The following PID1 variants were observed in gnomAD, a reference collection of about 807,000 sequenced individuals.
The protein encoded by PID1 is phosphotyrosine interaction domain containing 1, also known as PTB-containing, cubilin and LRP1-interacting protein.
Under a neutral mutation model 19.1 loss-of-function variants are expected in PID1, and 10 were observed. The observed-to-expected ratio is 0.52, with a 90% CI of 0.32 to 0.89. The LOEUF (loss-of-function observed/expected upper bound fraction) is 0.89, where lower values mean the gene tolerates loss of function less well. Ranked by LOEUF, PID1 falls within the 40% of genes least tolerant of loss-of-function variation. The probability of loss-of-function intolerance (pLI) is 0.03; values close to 1 mark genes in which losing one functional copy is unlikely to be tolerated. For missense variants in PID1, 248 were observed against 285.3 expected, an observed-to-expected ratio of 0.87 and a Z score of 0.94; for synonymous variants, 130 against 116.0, an observed-to-expected ratio of 1.12 and a Z score of -0.78.
intron 2 of PID1, among the ~76,000 whole-genome samples, chr2:229,067,884 T>C (rs1032430354): frequency 7.9e-5 from 12 of 152,326 alleles, no homozygotes; most frequent in Admixed American, 6.5e-4. Flanking sequence ...AGCAGCCTGG[T>C]GCATTCTGTG....
chr2:229,112,778 C>A (rs1695324229), intron 2 of PID1, among the ~76,000 whole-genome samples: 1 of 152,178 alleles, frequency 6.6e-6, no homozygotes, highest in Admixed American at 6.5e-5. Context: ...AGACACCATG[C>A]CTGGCCTCTA....
intron 2 of PID1, among the ~76,000 whole-genome samples, chr2:229,134,464 G>A (rs62193235): frequency 3.3e-5 from 5 of 150,734 alleles, no homozygotes; most frequent in African/African-American, 7.3e-5. Context: ...GGCTGGTCTC[G>A]AACTCCTGAC....
intron 1 of PID1, among the ~76,000 whole-genome samples, chr2:229,190,574 C>A (rs752364878): frequency 1.3e-5 from 2 of 152,154 alleles, no homozygotes; most frequent in Non-Finnish European, 2.9e-5. Context: ...AAGAAGAGTC[C>A]AGGGCAGGGG....
chr2:229,262,074 T>C (rs1690474659), intron 1 of PID1, among the ~76,000 whole-genome samples: 1 of 152,164 alleles, frequency 6.6e-6, no homozygotes, highest in Admixed American at 6.5e-5. Context: ...TTTGTCAGCT[T>C]ACAGGTTTTC....
chr2:229,024,255 T>G lies in PID1; in HGVS notation c.*1377A>C, dbSNP rs1693362160. 6.6e-6 allele frequency: 1 copy of G among 152,602 alleles called. No homozygotes were observed. The highest frequency in any genetic ancestry group is 1.5e-5 in the Non-Finnish European group (1 of 68,050). 9.5% of individuals were successfully genotyped at this position (152,602 alleles called of 1,614,324 possible). On this transcript the variant is annotated 3_prime_UTR_variant, in exon 3 of 3. Coordinates refer to ENST00000392055, the MANE Select transcript of PID1 (RefSeq NM_001100818.2). ...TGGATTAGCTCTCATTTAAGGCTTCTTAGGTGCCGCAGTGCCCCTAATATT... is the reference window on the plus strand; with the variant it reads ...TGGATTAGCTCTCATTTAAGGCTTCGTAGGTGCCGCAGTGCCCCTAATATT...
intron 1 of PID1, among the ~76,000 whole-genome samples, chr2:229,202,370 C>G (rs1691516567): frequency 2.6e-5 from 4 of 151,994 alleles, no homozygotes. Context: ...TCTTGGAATT[C>G]AAGTCAATTA....
At chr2:229,211,631 C>T (rs1362240) in intron 1 of PID1, among the ~76,000 whole-genome samples, 4 of 152,072 alleles carry the variant, frequency 2.6e-5, no homozygotes, top group African/African-American at 9.7e-5. Context: ...TTTTAATGTA[C>T]ATGTGTGAGC....
chr2:229,050,971 A>G (rs1203007982), intron 2 of PID1, among the ~76,000 whole-genome samples: 1 of 152,226 alleles, frequency 6.6e-6, no homozygotes, highest in Non-Finnish European at 1.5e-5. Context: ...CAATGCATAC[A>G]ATGAAAGAGA....
intron 2 of PID1, among the ~76,000 whole-genome samples, chr2:229,056,444 A>T (rs6750672): frequency 0.12 from 17,560 of 152,044 alleles, 1,492 homozygotes; most frequent in African/African-American, 0.24. Context: ...TGCAAGGAGG[A>T]GTAATTTGTA....
intron 1 of PID1, among the ~76,000 whole-genome samples, chr2:229,161,669 C>T (rs1032555425): frequency 6.6e-6 from 1 of 152,140 alleles, no homozygotes; most frequent in Admixed American, 6.5e-5. Context: ...GTAGGTATTA[C>T]GGTCCCCAGG....
At chr2:229,176,952 G>C (rs1690836198) in intron 1 of PID1, among the ~76,000 whole-genome samples, 1 of 152,126 alleles carries the variant, frequency 6.6e-6, no homozygotes, top group East Asian at 1.9e-4. Flanking sequence ...CCCAAGACTG[G>C]GCAATTTACA....
intron 2 of PID1, among the ~76,000 whole-genome samples, chr2:229,114,067 G>T (rs1477013338): frequency 5.9e-5 from 9 of 151,704 alleles, no homozygotes; most frequent in African/African-American, 1.9e-4. Flanking sequence ...TCTCCAGCCT[G>T]CTGGCCTACC....
intron 1 of PID1, among the ~76,000 whole-genome samples, chr2:229,228,425 G>C (rs955358167): frequency 6.6e-6 from 1 of 152,046 alleles, no homozygotes; most frequent in Admixed American, 6.6e-5. Context: ...TATTTAAGCA[G>C]ATAACATAAT....
At chr2:229,037,224 A>C (rs1416117438) in intron 2 of PID1, among the ~76,000 whole-genome samples, 6 of 152,206 alleles carry the variant, frequency 3.9e-5, no homozygotes, top group Admixed American at 2.6e-4. Flanking sequence ...TAAAAATATT[A>C]ATAGAAATTT....
At chr2:229,079,382 T>TAAC (rs1694626139) in intron 2 of PID1, among the ~76,000 whole-genome samples, 1 of 152,244 alleles carries the variant, frequency 6.6e-6, no homozygotes, top group Admixed American at 6.5e-5. Flanking sequence ...AATTTAAAAA[T>TAAC]AACATATCTA....
At chr2:229,221,753 T>G (rs985015062) in intron 1 of PID1, among the ~76,000 whole-genome samples, 1 of 152,206 alleles carries the variant, frequency 6.6e-6, no homozygotes, top group Non-Finnish European at 1.5e-5. Flanking sequence ...ACAGGATGCC[T>G]CTTGATGACC....
At chr2:229,059,590 T>C (rs576320224) in intron 2 of PID1, among the ~76,000 whole-genome samples, 1 of 152,336 alleles carries the variant, frequency 6.6e-6, no homozygotes, top group Non-Finnish European at 1.5e-5. Flanking sequence ...CTAATTTTAG[T>C]GTGCTTTCCA....
At chr2:229,135,868 A>AT (rs1367157877) in intron 2 of PID1, among the ~76,000 whole-genome samples, 1 of 152,342 alleles carries the variant, frequency 6.6e-6, no homozygotes, top group South Asian at 2.1e-4. Flanking sequence ...TTGTTGATTA[A>AT]TTAATGGAAT....
chr2:229,058,044 G>A (rs564533860), intron 2 of PID1, among the ~76,000 whole-genome samples: 56 of 152,302 alleles, frequency 3.7e-4, no homozygotes, highest in African/African-American at 1.3e-3. Context: ...TATGGTGAAT[G>A]GCTGTGTCCC....
Sources: allele counts gnomAD v4.1 joint callset (sites outside exome capture counted in the v4.1 genomes callset), GRCh38; gene constraint gnomAD v4.1.1; transcripts MANE v1.5; gene names NCBI Gene and HGNC (gene_info 2026-07-23, HGNC 2026-07-21).